BCL9: variants seen among roughly 807,000 people sequenced by gnomAD.
BCL9 encodes the protein B-cell CLL/lymphoma 9 protein.
Under a neutral mutation model 88.5 loss-of-function variants are expected in BCL9, and 25 were observed. The observed-to-expected ratio is 0.28, with a 90% CI of 0.21 to 0.39. The LOEUF (loss-of-function observed/expected upper bound fraction) is 0.39, where lower values mean the gene tolerates loss of function less well. Ranked by LOEUF, BCL9 falls within the 10% of genes least tolerant of loss-of-function variation. The pLI is 1.00. For synonymous variants in BCL9, 711 were observed against 673.3 expected (o/e 1.06, Z -0.87); for missense variants, 1,817 against 1,877.8 (o/e 0.97, Z 0.60).
In BCL9 at chr1:147,620,777, A is replaced by G. The variant is rs1553205170; in HGVS notation, c.2622A>G (p.Pro874=). 1.2e-6 allele frequency: 2 copies of G among 1,614,078 alleles called. No individual in the cohort carries two copies. The highest frequency in any genetic ancestry group is 3.3e-5 in the Admixed American group (2 of 60,028). Residue 874 remains proline, a synonymous_variant, in exon 8 of 10, where the codon CCA becomes CCG. Coordinates refer to ENST00000234739, the MANE Select transcript of BCL9 (RefSeq NM_004326.4). ...CCACGATGCACCAAGTCCAGTCACC[A>G]ATGCTGGGCTCGCCCTCGGGGAACC... ...KSPTMHQVQS[P]MLGSPSGNLK...
chr1:147,588,984 G>A (rs1656730763), intron 1 of BCL9, among the ~76,000 whole-genome samples: 1 of 152,112 alleles, frequency 6.6e-6, no homozygotes, highest in South Asian at 2.1e-4. Context: ...ATGCCTTGGG[G>A]CTTATACCTC....
chr1:147,624,439 G>T lies in BCL9; in HGVS notation c.3761G>T (p.Arg1254Leu). 4 of 1,614,180 alleles carry T rather than the reference G, an allele frequency of 2.5e-6. No homozygotes were observed. Among genetic ancestry groups the T allele is most frequent in the Non-Finnish European group, 3.4e-6 (4 of 1,180,030 alleles). ...AGCCAGACGCTGCAATATTTCCCTC[G>T]AGGGGAAGTTCCAGGCCGTAAACAG... ...KPSQTLQYFP[R>L]GEVPGRKQPQ... The change falls in exon 10 of 10, where the codon CGA becomes CTA. Residue 1254 changes from arginine to leucine, a missense_variant. This residue lies in a region of BCL9 where 589 missense variants were observed against 686.2 expected (regional missense o/e 0.86). Transcript: ENST00000234739. The surrounding 1 kb of genome is among the most constrained non-coding windows in gnomAD (Gnocchi z 4.4).
chr1:147,548,487 C>A (rs868992307), intron 1 of BCL9, among the ~76,000 whole-genome samples: 1 of 152,198 alleles, frequency 6.6e-6, no homozygotes, highest in Admixed American at 6.5e-5. Context: ...TGGACCCAAA[C>A]CATGTCATTC....
At chr1:147,595,687 AAAAT>A (rs587596115) in intron 1 of BCL9, among the ~76,000 whole-genome samples, 9 of 152,090 alleles carry the variant, frequency 5.9e-5, no homozygotes, top group Admixed American at 2.0e-4. Context: ...ATCTCTACAA[AAAAT>A]AAATAAATAA....
chr1:147,613,599 A>G (rs1553203136), intron 5 of BCL9, among the ~76,000 whole-genome samples: 1 of 152,134 alleles, frequency 6.6e-6, no homozygotes, highest in South Asian at 2.1e-4. Flanking sequence ...CATCAGAGCA[A>G]TCCTCCAAGG....
chr1:147,583,274 T>C (rs782605118), intron 1 of BCL9, among the ~76,000 whole-genome samples: 1 of 152,058 alleles, frequency 6.6e-6, no homozygotes, highest in African/African-American at 2.4e-5. Context: ...TATTTATTTA[T>C]TTATGTATTT....
intron 1 of BCL9, among the ~76,000 whole-genome samples, chr1:147,565,220 C>T (rs1303595792): frequency 6.6e-6 from 1 of 152,212 alleles, no homozygotes; most frequent in Non-Finnish European, 1.5e-5. Flanking sequence ...GTTAGCCATC[C>T]TCTACTCTAA....
chr1:147,548,526 G>C (rs1189378587), intron 1 of BCL9, among the ~76,000 whole-genome samples: 6 of 152,188 alleles, frequency 3.9e-5, no homozygotes, highest in African/African-American at 1.4e-4. Flanking sequence ...GACTGGGTAT[G>C]CACTTATGTG....
At chr1:147,593,999 T>A (rs1237407471) in intron 1 of BCL9, among the ~76,000 whole-genome samples, 1 of 152,212 alleles carries the variant, frequency 6.6e-6, no homozygotes, top group East Asian at 1.9e-4. Flanking sequence ...GTTTAATATC[T>A]AAACCCAGGT....
At chr1:147,572,995 C>A (rs1402512998) in intron 1 of BCL9, among the ~76,000 whole-genome samples, 5 of 152,208 alleles carry the variant, frequency 3.3e-5, no homozygotes, top group Admixed American at 1.3e-4. Context: ...ATGTGTGTTT[C>A]TGTATGTGTG....
In BCL9 at chr1:147,619,827, A is replaced by G; in HGVS notation, c.1672A>G (p.Ser558Gly). The G allele has an allele frequency of 2.5e-6, 4 of 1,614,132 alleles. No individual in the cohort carries two copies. The highest frequency in any genetic ancestry group is 1.3e-5 in the African/African-American group (1 of 75,030). The change falls in exon 8 of 10, where the codon AGC (serine) becomes GGC (glycine). Residue 558 changes from serine to glycine, a missense_variant. Physicochemically the swap from Ser to Gly is moderately conservative, Grantham distance 56. Coordinates refer to ENST00000234739, the MANE Select transcript of BCL9 (RefSeq NM_004326.4). The surrounding 1 kb of genome is among the most constrained non-coding windows in gnomAD (Gnocchi z 4.1). ...GMAPHPNMPG[S>G]QMRLPGFAGM... is the part of the protein sequence containing the mutation. ...GGCTCCCCACCCCAACATGCCAGGGAGCCAGATGCGCCTCCCTGGATTTGC... is the reference window on the plus strand; with the variant it reads ...GGCTCCCCACCCCAACATGCCAGGGGGCCAGATGCGCCTCCCTGGATTTGC...
rs77143172 is a variant in BCL9 at position 147,613,625 on chromosome 1, C to T, written c.370+426C>T. On this transcript the variant is annotated intron_variant, in intron 5 of 9. Coordinates refer to ENST00000234739, the MANE Select transcript of BCL9 (RefSeq NM_004326.4). ...TCCTCCAAGGCTTGGGTCTTGTGTT[C>T]TCTAGTTGCCATTTTGCCAGACTTC... 6.5e-3 allele frequency among the ~76,000 whole-genome samples: 993 copies of T among 152,254 alleles called. 11 individuals are homozygous for T. Among genetic ancestry groups the T allele is most frequent in the African/African-American group, 0.022 (930 of 41,540 alleles).
In BCL9 at chr1:147,619,842, C is replaced by G; in HGVS notation, c.1687C>G (p.Pro563Ala). ...PNMPGSQMRL[P>A]GFAGMINSEM... ...CATGCCAGGGAGCCAGATGCGCCTC[C>G]CTGGATTTGCAGGCATGATAAACTC... Residue 563 changes from proline (P) to alanine (A), a missense_variant, in exon 8 of 10, where the codon CCT becomes GCT. By Grantham distance (27) the Pro-to-Ala change is conservative (BLOSUM62 -1). Transcript: ENST00000234739. This position sits in a 1 kb window ranked among gnomAD's most constrained non-coding sequence, Gnocchi z 4.1. 6.2e-7 allele frequency: 1 copy of G among 1,614,176 alleles called. No individual in the cohort carries two copies. The highest frequency in any genetic ancestry group is 1.1e-5 in the South Asian group (1 of 91,086).
At chr1:147,558,232 G>A (rs587645001) in intron 1 of BCL9, among the ~76,000 whole-genome samples, 103 of 152,112 alleles carry the variant, frequency 6.8e-4, no homozygotes, top group Non-Finnish European at 9.9e-4. Context: ...TCAGAGCTGC[G>A]GTTTGACCCA....
At chr1:147,579,690 G>T (rs1230545392) in intron 1 of BCL9, among the ~76,000 whole-genome samples, 1 of 152,170 alleles carries the variant, frequency 6.6e-6, no homozygotes, top group Non-Finnish European at 1.5e-5. Flanking sequence ...TCATTTCCTT[G>T]CACGTAATGA....
intron 1 of BCL9, among the ~76,000 whole-genome samples, chr1:147,550,846 T>C (rs1381422459): frequency 1.3e-5 from 2 of 152,224 alleles, no homozygotes; most frequent in African/African-American, 4.8e-5. Flanking sequence ...ATAATAATTG[T>C]TATTTAAATA....
At position 147,567,315 on chromosome 1, in the gene BCL9, T is replaced by G. The variant is rs895810629; in HGVS notation, c.-478+25641T>G. Among the ~76,000 whole-genome samples the G allele has an allele frequency of 7.2e-5, 11 of 152,304 alleles. No individual in the cohort carries two copies. In the South Asian group the frequency reaches 1.7e-3, roughly 23 times the overall value. ...ATTTTTCAGAAGAGAATTTTTGGTTTGTTTAAATCTCCTTAATGGAGATTA... is the reference window on the plus strand; with the variant it reads ...ATTTTTCAGAAGAGAATTTTTGGTTGGTTTAAATCTCCTTAATGGAGATTA... On this transcript the variant is annotated intron_variant, in intron 1 of 9. Transcript: ENST00000234739.
At chr1:147,595,687 A>AAAAT (rs587596115) in intron 1 of BCL9, among the ~76,000 whole-genome samples, 1,978 of 152,204 alleles carry the variant, frequency 0.013, 27 homozygotes, top group Non-Finnish European at 0.021. Context: ...ATCTCTACAA[A>AAAAT]AAATAAATAA....
chr1:147,616,947 A>T (rs1658312387), intron 7 of BCL9, among the ~76,000 whole-genome samples: 1 of 152,228 alleles, frequency 6.6e-6, no homozygotes, highest in Non-Finnish European at 1.5e-5. Flanking sequence ...TACTGGGATG[A>T]GTCTTAAACA....
Sources: allele counts gnomAD v4.1 joint callset (sites outside exome capture counted in the v4.1 genomes callset), GRCh38; gene constraint gnomAD v4.1.1; regional missense constraint gnomAD v4.1.1; non-coding constraint Gnocchi (gnomAD v3.1); transcripts MANE v1.5; gene names NCBI Gene and HGNC (gene_info 2026-07-23, HGNC 2026-07-21).